ITGA4: variants seen among roughly 807,000 people sequenced by gnomAD.
The protein encoded by ITGA4 is integrin alpha-4.
Under a neutral mutation model 133.6 loss-of-function variants are expected in ITGA4, and 63 were observed. The ratio of observed to expected loss-of-function variants is 0.47; its 90% CI spans 0.38 to 0.58. The LOEUF (loss-of-function observed/expected upper bound fraction) is 0.58. Among genes scored for constraint, ITGA4 ranks in the 20% least tolerant of loss-of-function variants. The pLI is 0.00. For missense variants in ITGA4, 1,076 were observed against 1,252.7 expected, an observed-to-expected ratio of 0.86 and a Z score of 2.13; for synonymous variants, 483 against 438.0, an observed-to-expected ratio of 1.10 and a Z score of -1.28.
chr2:181,502,869 C>T (rs1460632164), intron 15 of ITGA4, among the ~76,000 whole-genome samples: 2 of 151,790 alleles, frequency 1.3e-5, no homozygotes, highest in African/African-American at 4.8e-5. Context: ...TACAATTAAC[C>T]AGGGTTGTAG....
chr2:181,482,722 G>A, intron 9 of ITGA4, 71 bp downstream of exon 9: 1 of 1,389,272 alleles, frequency 7.2e-7, no homozygotes, highest in Non-Finnish European at 1.0e-6. Flanking sequence ...TCTTATTCCA[G>A]AGATCTGAGA....
Position 181,482,615 on chromosome 2 carries a change from G to A in ITGA4, c.1005G>A (p.Glu335=). The change falls in exon 9 of 28, where the codon GAG becomes GAA. Residue 335 remains glutamate, a synonymous_variant. Coordinates refer to ENST00000397033, the MANE Select transcript of ITGA4 (RefSeq NM_000885.6). ...VGAPMQSTIR[E]EGRVFVYINS... is the part of the protein sequence containing the mutation. ...CACCCATGCAGAGCACCATCAGAGA[G>A]GAAGGAAGAGTGTTTGTGTACATCA... 1.2e-5 allele frequency: 20 copies of A among 1,613,684 alleles called. No individual in the cohort carries two copies. Among genetic ancestry groups the A allele is most frequent in the Non-Finnish European group, 1.5e-5 (18 of 1,179,712 alleles).
At chr2:181,506,513 A>G (rs146685899) in intron 15 of ITGA4, among the ~76,000 whole-genome samples, 303 of 152,190 alleles carry the variant, frequency 2.0e-3, no homozygotes, top group African/African-American at 7.0e-3. Flanking sequence ...TCACCTTCAG[A>G]CCACTATTGC....
At chr2:181,510,087 A>G (rs1686477790) in intron 16 of ITGA4, among the ~76,000 whole-genome samples, 1 of 152,082 alleles carries the variant, frequency 6.6e-6, no homozygotes, top group South Asian at 2.1e-4. Flanking sequence ...ATATATTACT[A>G]GAGAGAAATC....
rs201935125 is a variant in ITGA4 at position 181,535,814 on chromosome 2, T to C, written c.*287T>C. ...CAAGAAAAGTAAGCCCTTGAAGATA[T>C]CTTGAAATGAAAGTATAACTGAGTT... is the stretch of plus-strand genomic sequence containing the variant. On this transcript the variant is annotated 3_prime_UTR_variant, in exon 28 of 28. Transcript: ENST00000397033. The C allele has an allele frequency of 1.8e-5, 4 of 220,490 alleles. No homozygotes were observed. In the South Asian group the frequency reaches 3.1e-4, roughly 17 times the overall value. The allele number at this position is 220,490 out of a possible 1,614,324, so 13.7% of individuals were successfully genotyped here.
intron 17 of ITGA4, among the ~76,000 whole-genome samples, chr2:181,521,400 A>G (rs546288077): frequency 6.6e-6 from 1 of 152,310 alleles, no homozygotes; most frequent in Non-Finnish European, 1.5e-5. Flanking sequence ...AAATATTTTA[A>G]GGACTTTATA....
At position 181,523,515 on chromosome 2, in the gene ITGA4, G is replaced by GAAACACTTACCCTTGAGAGATGATCTACA; in HGVS notation, c.2152_2153insAAACACTTACCCTTGAGAGATGATCTACA (p.Val718GlufsTer8). The GAAACACTTACCCTTGAGAGATGATCTACA allele has an allele frequency of 6.3e-7, 1 of 1,578,592 alleles. No individual in the cohort carries two copies. Among genetic ancestry groups the GAAACACTTACCCTTGAGAGATGATCTACA allele is most frequent in the African/African-American group, 1.3e-5 (1 of 74,252 alleles). Reference sequence around the variant, plus strand: ...TGACTGCAGTATTGGCTATATATATGTAGATCATCTCTCAAGGGTAAGTGT... The same window carrying GAAACACTTACCCTTGAGAGATGATCTACA: ...TGACTGCAGTATTGGCTATATATATGAAACACTTACCCTTGAGAGATGATCTACATAGATCATCTCTCAAGGGTAAGTGT... On this transcript the variant is annotated stop_gained and frameshift_variant, in exon 19 of 28. Coordinates refer to ENST00000397033, the MANE Select transcript of ITGA4 (RefSeq NM_000885.6). LOFTEE classifies it high-confidence loss of function. This position sits in a 1 kb window ranked among gnomAD's most constrained non-coding sequence, Gnocchi z 4.2.
At chr2:181,518,620 A>G (rs952084427) in intron 17 of ITGA4, among the ~76,000 whole-genome samples, 6 of 151,456 alleles carry the variant, frequency 4.0e-5, no homozygotes, top group Non-Finnish European at 8.8e-5. Context: ...TACATATTTG[A>G]GTTTTTGTGG....
chr2:181,526,821 C>CTTTTTTTTTTTTTTT (rs538208494), intron 21 of ITGA4, among the ~76,000 whole-genome samples: 655 of 40,972 alleles, frequency 0.016, 210 homozygotes, highest in East Asian at 0.027. Flanking sequence ...AGCACATGGC[C>CTTTTTTTTTTTTTTT]TTTTTTTTTT....
chr2:181,469,804 C>T (rs1371907380), intron 2 of ITGA4, among the ~76,000 whole-genome samples: 1 of 151,996 alleles, frequency 6.6e-6, no homozygotes, highest in Non-Finnish European at 1.5e-5. Flanking sequence ...TCTCAGTAAA[C>T]TATCACAAGA....
chr2:181,458,565 T>G, intron 2 of ITGA4: 1 of 498,602 alleles, frequency 2.0e-6, no homozygotes, highest in Admixed American at 3.2e-5. Context: ...GAGAAATTTC[T>G]TATGATACCT....
chr2:181,478,663 CCTT>C, intron 4 of ITGA4, 91 bp from the exon 5 acceptor site: 1 of 533,610 alleles, frequency 1.9e-6, no homozygotes, highest in Non-Finnish European at 3.3e-6. Flanking sequence ...AAACTATAGA[CCTT>C]AAAGGACATT....
rs192941407 is a variant in ITGA4 at position 181,479,830 on chromosome 2, A to G, written c.625-307A>G. ...CCACATACGATTTTCTTTAATAGGA[A>G]CCACATTGCCTTTCTCCCAAAAGCT... On this transcript the variant is annotated intron_variant, in intron 5 of 27. Coordinates refer to ENST00000397033, the MANE Select transcript of ITGA4 (RefSeq NM_000885.6). 378 of 170,128 alleles carry G rather than the reference A, an allele frequency of 2.2e-3. 2 individuals carry two copies. Among genetic ancestry groups the G allele is most frequent in the Non-Finnish European group, 3.5e-3 (282 of 80,166 alleles). The allele number at this position is 170,128 out of a possible 1,614,324, so 10.5% of individuals were successfully genotyped here.
At position 181,509,627 on chromosome 2, in the gene ITGA4, T is replaced by C. The variant is rs1686464408; in HGVS notation, c.1696-31T>C. The C allele has an allele frequency of 6.5e-6, 10 of 1,528,726 alleles. No homozygotes were observed. The East Asian group carries it at 2.4e-4, about 36-fold the overall frequency. The allele number at this position is 1,528,726 out of a possible 1,614,324, so 94.7% of individuals were successfully genotyped here. On this transcript the variant is annotated intron_variant, in intron 15 of 27. Transcript: ENST00000397033. ...TTTTTTTAATCTACGTGCTTGTTTT[T>C]GTTAATTCATATGGTGGTTATTTTC...
chr2:181,534,404 T>G (rs1007165866), intron 26 of ITGA4, 34 bp downstream of exon 26: 5 of 1,218,844 alleles, frequency 4.1e-6, no homozygotes, highest in Non-Finnish European at 6.1e-6. Flanking sequence ...ACATTAAAAT[T>G]ATAGGAAAAC....
At chr2:181,475,883 C>A in intron 4 of ITGA4, 1 of 1,586,018 alleles carries the variant, frequency 6.3e-7, no homozygotes, top group South Asian at 1.2e-5. Context: ...TGAATGTCAA[C>A]AGAGCATGTC....
At chr2:181,484,788 G>A (rs1685877976) in intron 9 of ITGA4, among the ~76,000 whole-genome samples, 1 of 152,200 alleles carries the variant, frequency 6.6e-6, no homozygotes, top group Non-Finnish European at 1.5e-5. Flanking sequence ...AGTGGAAGAA[G>A]TGATTCCCTT....
chr2:181,537,381 G>A lies in ITGA4; in HGVS notation c.*1854G>A, dbSNP rs200145292. On this transcript the variant is annotated 3_prime_UTR_variant, in exon 28 of 28. Coordinates refer to ENST00000397033, the MANE Select transcript of ITGA4 (RefSeq NM_000885.6). ...TACAAGGGGAACACAATTACATATT[G>A]GGCTAGATTTTGCCCAGTTCAAAAT... 2.0e-4 allele frequency: 92 copies of A among 453,404 alleles called. 1 individual carries two copies. Among genetic ancestry groups the A allele is most frequent in the South Asian group, 1.4e-3 (90 of 64,448 alleles). 28.1% of individuals were successfully genotyped at this position (453,404 alleles called of 1,614,324 possible).
intron 4 of ITGA4, chr2:181,475,855 A>C: frequency 1.2e-6 from 2 of 1,603,020 alleles, no homozygotes; most frequent in Non-Finnish European, 1.7e-6. Context: ...GACATAACAG[A>C]AGTGAGCAGA....
Sources: gnomAD v4.1 joint callset for allele counts (sites outside exome capture counted in the v4.1 genomes callset) on GRCh38, gnomAD v4.1.1 for gene constraint, Gnocchi (gnomAD v3.1) non-coding constraint, MANE v1.5 for transcripts, NCBI Gene and HGNC (gene_info 2026-07-23, HGNC 2026-07-21) for gene names.